SLC25A48: variants seen among roughly 807,000 people sequenced by gnomAD.
SLC25A48 encodes solute carrier family 25 member 48.
A neutral mutation model predicts 32.2 loss-of-function variants in SLC25A48; 29 were observed. The ratio of observed to expected loss-of-function variants is 0.90; its 90% confidence interval spans 0.67 to 1.23. The LOEUF (loss-of-function observed/expected upper bound fraction) is 1.23, where lower values mean the gene tolerates loss of function less well. Ranked by LOEUF, SLC25A48 falls within the 50% of genes most tolerant of loss-of-function variation. The probability of loss-of-function intolerance (pLI) is 0.00; values close to 1 mark genes in which losing one functional copy is unlikely to be tolerated. For synonymous variants in SLC25A48, 164 were observed against 172.3 expected (o/e 0.95, Z 0.38); for missense variants, 399 against 422.7 (o/e 0.94, Z 0.49).
chr5:135,794,447 G>T (rs190637011), intron 3 of SLC25A48, among the ~76,000 whole-genome samples: 3 of 151,922 alleles, frequency 2.0e-5, no homozygotes, highest in African/African-American at 4.8e-5. Flanking sequence ...CTGTGATATT[G>T]TTCCTAATAT....
At chr5:135,751,367 A>G (rs1270811182) in intron 3 of SLC25A48, among the ~76,000 whole-genome samples, 5 of 152,158 alleles carry the variant, frequency 3.3e-5, no homozygotes, top group Non-Finnish European at 7.3e-5. Context: ...TCCATATGTC[A>G]CTTCATGGAC....
intron 3 of SLC25A48, among the ~76,000 whole-genome samples, chr5:135,647,327 T>C (rs1468144137): frequency 6.6e-6 from 1 of 152,152 alleles, no homozygotes; most frequent in Non-Finnish European, 1.5e-5. Flanking sequence ...CGCATTATAT[T>C]TAGACTTATT....
chr5:135,632,887 T>C (rs1039834329), intron 2 of SLC25A48, among the ~76,000 whole-genome samples: 1 of 152,158 alleles, frequency 6.6e-6, no homozygotes, highest in African/African-American at 2.4e-5. Flanking sequence ...TCCTCATGTG[T>C]CTCCTGCTTC....
chr5:135,866,356 A>G (rs1242385948), intron 4 of SLC25A48, among the ~76,000 whole-genome samples: 1 of 152,212 alleles, frequency 6.6e-6, no homozygotes, highest in African/African-American at 2.4e-5. Context: ...GGCCCATTGA[A>G]GACATTGAAT....
At chr5:135,694,421 T>C (rs1754220129) in intron 3 of SLC25A48, among the ~76,000 whole-genome samples, 1 of 152,162 alleles carries the variant, frequency 6.6e-6, no homozygotes, top group South Asian at 2.1e-4. Flanking sequence ...GCATCCTTTA[T>C]ATATTTACAT....
At position 135,782,414 on chromosome 5, in the gene SLC25A48, G is replaced by A. The variant is rs1450140314; in HGVS notation, c.-520-30109G>A. On this transcript the variant is annotated intron_variant, in intron 3 of 10. Coordinates refer to the SLC25A48 transcript ENST00000646290. ...GATATCACCCCCAATACCGCAGCAGGTGCACATCGCTTCTGTGATATTGTT... is the reference window on the plus strand; with the variant it reads ...GATATCACCCCCAATACCGCAGCAGATGCACATCGCTTCTGTGATATTGTT... 1.7e-5 allele frequency among the ~76,000 whole-genome samples: 2 copies of A among 117,268 alleles called. 1 individual carries two copies. Among genetic ancestry groups the A allele is most frequent in the Non-Finnish European group, 4.2e-5 (2 of 47,514 alleles). 76.9% of individuals were successfully genotyped at this position (117,268 alleles called of 152,430 possible). A position where few individuals can be genotyped will look rare whatever the true frequency, so the allele number is the denominator to read the frequency against.
intron 7 of SLC25A48, among the ~76,000 whole-genome samples, chr5:135,882,374 C>T (rs1302217786): frequency 6.6e-6 from 1 of 152,178 alleles, no homozygotes; most frequent in Non-Finnish European, 1.5e-5. Context: ...AGGCAGCAGT[C>T]ACACCTACTC....
rs187931710 is a variant in SLC25A48 at position 135,736,344 on chromosome 5, G to A, written c.-520-76179G>A. Among the ~76,000 whole-genome samples the A allele has an allele frequency of 1.6e-3, 238 of 152,304 alleles. 1 individual carries two copies. The highest frequency in any genetic ancestry group is 5.6e-3 in the African/African-American group (233 of 41,566). ...CGTTTTCTGGCCATTTAGAGCCATT[G>A]TCAAGTTTGTATTGGGGCCAAGCGG... is the stretch of plus-strand genomic sequence containing the variant. On this transcript the variant is annotated intron_variant, in intron 3 of 10. Transcript: ENST00000646290.
At chr5:135,739,148 C>T (rs1755445240) in intron 3 of SLC25A48, among the ~76,000 whole-genome samples, 1 of 152,052 alleles carries the variant, frequency 6.6e-6, no homozygotes, top group African/African-American at 2.4e-5. Context: ...GGTAGGGTCT[C>T]ACTCTGTTGC....
At chr5:135,585,501 A>T (rs1358450026) in intron 1 of SLC25A48, among the ~76,000 whole-genome samples, 1 of 152,082 alleles carries the variant, frequency 6.6e-6, no homozygotes. Context: ...AAAGGCTCCT[A>T]TGAGGTCTTC....
At chr5:135,843,019 G>A (rs73789202) in intron 2 of SLC25A48, among the ~76,000 whole-genome samples, 7,724 of 152,218 alleles carry the variant, frequency 0.051, 431 homozygotes, top group African/African-American at 0.14. Context: ...CTCACAGACC[G>A]TTTTCAAATG....
At chr5:135,612,525 C>T (rs560779597) in intron 1 of SLC25A48, among the ~76,000 whole-genome samples, 17 of 152,260 alleles carry the variant, frequency 1.1e-4, no homozygotes, top group African/African-American at 3.4e-4. Flanking sequence ...TTTCATCTCT[C>T]CACCCCTGCC....
chr5:135,683,232 C>T (rs1188020750), intron 3 of SLC25A48, among the ~76,000 whole-genome samples: 1 of 152,042 alleles, frequency 6.6e-6, no homozygotes, highest in Non-Finnish European at 1.5e-5. Flanking sequence ...GGGAGGAGGG[C>T]AGGGGGGCAG....
At chr5:135,608,189 C>T (rs183178272) in intron 1 of SLC25A48, among the ~76,000 whole-genome samples, 1 of 152,234 alleles carries the variant, frequency 6.6e-6, no homozygotes, top group Admixed American at 6.5e-5. Flanking sequence ...TGATTCATGC[C>T]CAAACTCCTG....
chr5:135,597,548 G>A (rs1268642612), intron 1 of SLC25A48, among the ~76,000 whole-genome samples: 1 of 152,216 alleles, frequency 6.6e-6, no homozygotes, highest in Admixed American at 6.5e-5. Context: ...AAAGGACCCT[G>A]CTTGCCGATA....
chr5:135,716,844 T>A (rs927772002), intron 3 of SLC25A48, among the ~76,000 whole-genome samples: 8 of 152,308 alleles, frequency 5.3e-5, no homozygotes, highest in Middle Eastern at 3.4e-3. Flanking sequence ...TAGCCTTCCC[T>A]CCATAGCAGC....
Position 135,850,441 on chromosome 5 carries a change from G to T in SLC25A48, c.107G>T (p.Gly36Val). 6.2e-7 allele frequency: 1 copy of T among 1,614,186 alleles called. No individual in the cohort carries two copies. Among genetic ancestry groups the T allele is most frequent in the Non-Finnish European group, 8.5e-7 (1 of 1,180,038 alleles). ...TCTCCATAGACTCGCCTGCAGGCTGGCGTTGGCTACGGAAACACCCTCAGC... is the reference window on the plus strand; with the variant it reads ...TCTCCATAGACTCGCCTGCAGGCTGTCGTTGGCTACGGAAACACCCTCAGC... ...LDTVKTRLQAGVGYGNTLSCI... is the reference protein window; with the variant it reads ...LDTVKTRLQAVVGYGNTLSCI... The change falls in exon 3 of 8, where the codon GGC (glycine) becomes GTC (valine). Residue 36 changes from glycine (G) to valine (V), a missense_variant. Physicochemically the swap from Gly to Val is moderately radical, Grantham distance 109 (BLOSUM62 -3). Transcript: ENST00000681962.
intron 1 of SLC25A48, among the ~76,000 whole-genome samples, chr5:135,607,326 T>C (rs1205110159): frequency 6.6e-6 from 1 of 152,192 alleles, no homozygotes; most frequent in Admixed American, 6.5e-5. Context: ...ATACAGCTGA[T>C]CTCCAATCAA....
chr5:135,785,633 GAAAA>G (rs1756822520), intron 3 of SLC25A48, among the ~76,000 whole-genome samples: 1 of 150,512 alleles, frequency 6.6e-6, no homozygotes, highest in South Asian at 2.1e-4. Context: ...TAATATCCAG[GAAAA>G]GAGAGGGTGA....
Sources: allele counts gnomAD v4.1 joint callset (sites outside exome capture counted in the v4.1 genomes callset), GRCh38; gene constraint gnomAD v4.1.1; transcripts MANE v1.5; gene names NCBI Gene and HGNC (gene_info 2026-07-23, HGNC 2026-07-21).